The following HELZ variants were observed in gnomAD, a reference collection of about 807,000 sequenced individuals.
HELZ encodes helicase with zinc finger.
Under a neutral mutation model 218.2 loss-of-function variants are expected in HELZ, and 23 were observed. That is an observed-to-expected ratio of 0.11 (90% CI 0.08 to 0.15). HELZ has a LOEUF of 0.15. Among genes scored for constraint, HELZ ranks in the 10% least tolerant of loss-of-function variants. HELZ has a pLI of 1.00. For synonymous variants in HELZ, 814 were observed against 829.4 expected, an observed-to-expected ratio of 0.98 and a Z score of 0.32; for missense variants, 1,813 against 2,353.7, an observed-to-expected ratio of 0.77 and a Z score of 4.75.
chr17:67,178,380 G>A (rs1025745546), intron 13 of HELZ, among the ~76,000 whole-genome samples: 20 of 152,078 alleles, frequency 1.3e-4, no homozygotes, highest in African/African-American at 3.6e-4. Context: ...CAGGAACCAC[G>A]GATTTATACT....
chr17:67,232,600 A>G (rs941442167), intron 3 of HELZ, among the ~76,000 whole-genome samples: 2 of 152,226 alleles, frequency 1.3e-5, no homozygotes, highest in African/African-American at 4.8e-5. Context: ...TCTAGACCCC[A>G]TGCAGAGACC....
At chr17:67,139,967 C>T (rs1419085545) in intron 21 of HELZ, among the ~76,000 whole-genome samples, 1 of 152,170 alleles carries the variant, frequency 6.6e-6, no homozygotes, top group Non-Finnish European at 1.5e-5. Context: ...GGTGGCAGTG[C>T]AGTCCCTCTT....
intron 21 of HELZ, among the ~76,000 whole-genome samples, chr17:67,141,763 G>T (rs995222012): frequency 3.3e-5 from 5 of 152,112 alleles, no homozygotes; most frequent in African/African-American, 7.2e-5. Context: ...TAAAAGAAAT[G>T]CCTGGGCATG....
intron 6 of HELZ, among the ~76,000 whole-genome samples, chr17:67,202,583 G>C (rs1224993789): frequency 6.6e-6 from 1 of 152,114 alleles, no homozygotes; most frequent in Non-Finnish European, 1.5e-5. Context: ...AGTGGTTATG[G>C]ATATTACTTA....
At chr17:67,124,334 G>C (rs887552125) in intron 24 of HELZ, among the ~76,000 whole-genome samples, 1 of 152,080 alleles carries the variant, frequency 6.6e-6, no homozygotes, top group Non-Finnish European at 1.5e-5. Context: ...TTCCTTTGCA[G>C]AAATAGAATT....
At chr17:67,141,218 T>TA (rs1337457251) in intron 21 of HELZ, among the ~76,000 whole-genome samples, 2 of 152,150 alleles carry the variant, frequency 1.3e-5, no homozygotes, top group South Asian at 2.1e-4. Flanking sequence ...TTAACTGGTT[T>TA]AAAAAGCAAC....
intron 20 of HELZ, 124 bp downstream of exon 20, chr17:67,148,445 C>A: frequency 1.4e-6 from 1 of 715,430 alleles, no homozygotes; most frequent in Non-Finnish European, 2.2e-6. Context: ...ACATAATTTG[C>A]AAGACTAGGG....
rs750797081 is a variant in HELZ, at chr17:67,109,313, A to G, written c.4292T>C (p.Phe1431Ser). 3.7e-6 allele frequency: 6 copies of G among 1,614,170 alleles called. No homozygotes were observed. The South Asian group carries it at 6.6e-5, about 18-fold the overall frequency. Residue 1431 changes from phenylalanine to serine, a missense_variant, in exon 29 of 33, where the codon TTT becomes TCT. By Grantham distance (155) the Phe-to-Ser change is radical. Around this residue, in one of 4 missense-constraint regions of HELZ, gnomAD observed 938 missense variants for 1,027.5 expected, o/e 0.91. Coordinates refer to ENST00000358691, the MANE Select transcript of HELZ (RefSeq NM_014877.4). ...PAYQAGPNNAFFNSAVAHRPQ... is the reference protein window; with the variant it reads ...PAYQAGPNNASFNSAVAHRPQ... ...CCGATGAGCAACTGCACTATTAAAA[A>G]AAGCATTGTTGGGTCCCGCCTGATA...
intron 7 of HELZ, among the ~76,000 whole-genome samples, chr17:67,198,316 G>A (rs998033478): frequency 1.3e-5 from 2 of 152,170 alleles, no homozygotes; most frequent in Admixed American, 6.5e-5. Flanking sequence ...GTGACGACCC[G>A]CACGGGCCTG....
intron 31 of HELZ, among the ~76,000 whole-genome samples, chr17:67,097,490 C>T (rs912509268): frequency 1.3e-5 from 2 of 152,130 alleles, no homozygotes; most frequent in Non-Finnish European, 2.9e-5. Flanking sequence ...TAAAAAATGC[C>T]ATTTGAAGCA....
Position 67,201,146 on chromosome 17 carries a change from G to A in HELZ, c.412C>T (p.Leu138Phe). The change falls in exon 7 of 33, where the codon CTT becomes TTT. Residue 138 changes from leucine to phenylalanine, a missense_variant. Coordinates refer to ENST00000358691, the MANE Select transcript of HELZ (RefSeq NM_014877.4). The part of the protein sequence containing the change: ...VTKDLTRLKT[L>F]LSETETATSN... ...GGCCTTACCTCTGTTTCTGAGAGAA[G>A]TGTTTTTAGTCTTGTCAAATCCTTT... 2 of 1,608,882 alleles carry A rather than the reference G, an allele frequency of 1.2e-6. No homozygotes were observed. Among genetic ancestry groups the A allele is most frequent in the Non-Finnish European group, 1.7e-6 (2 of 1,175,236 alleles).
chr17:67,086,631 A>AATATAAATATAAATATAAATATAT (rs914625902), intron 32 of HELZ, among the ~76,000 whole-genome samples, 198 bp downstream of exon 32: 3 of 93,300 alleles, frequency 3.2e-5, no homozygotes, highest in African/African-American at 1.4e-4. Flanking sequence ...TATAAATATA[A>AATATAAATATAAATATAAATATAT]ATATATATAT....
chr17:67,127,683 C>T (rs574250759), intron 24 of HELZ, among the ~76,000 whole-genome samples: 19 of 152,052 alleles, frequency 1.2e-4, no homozygotes, highest in African/African-American at 3.9e-4. Flanking sequence ...CTTGTCTCTA[C>T]GAAAAATACA....
chr17:67,127,310 C>T (rs1490918158), intron 24 of HELZ, among the ~76,000 whole-genome samples: 1 of 152,182 alleles, frequency 6.6e-6, no homozygotes, highest in Admixed American at 6.5e-5. Flanking sequence ...AGTAACTTAA[C>T]TGATAAATAA....
At chr17:67,183,247 A>C (rs1466965473) in intron 12 of HELZ, among the ~76,000 whole-genome samples, 1 of 152,222 alleles carries the variant, frequency 6.6e-6, no homozygotes, top group Non-Finnish European at 1.5e-5. Flanking sequence ...AAACTGCCAC[A>C]TGGAAGCAAG....
chr17:67,098,255 C>T (rs1311042725), intron 31 of HELZ, among the ~76,000 whole-genome samples: 1 of 152,108 alleles, frequency 6.6e-6, no homozygotes, highest in Non-Finnish European at 1.5e-5. Context: ...TCAGGAGTCT[C>T]CACTCCCTTG....
chr17:67,128,813 A>G lies in HELZ; in HGVS notation c.3225T>C (p.Ser1075=). ...GTTCAAAAGTGATTCCATGTAGGCT[A>G]CTGTTTTCATGACACAGGGCAATAA... ...ERFIALCHEN[S]SLHGITFEQI... The change falls in exon 24 of 33, where the codon AGT becomes AGC. Residue 1075 remains serine (S), a synonymous_variant. Transcript: ENST00000358691. The G allele has an allele frequency of 6.2e-7, 1 of 1,614,176 alleles. No individual in the cohort carries two copies. Among genetic ancestry groups the G allele is most frequent in the Non-Finnish European group, 8.5e-7 (1 of 1,180,000 alleles).
chr17:67,211,886 G>C (rs1314635561), intron 5 of HELZ, among the ~76,000 whole-genome samples: 2 of 151,940 alleles, frequency 1.3e-5, no homozygotes, highest in East Asian at 1.9e-4. Context: ...GGAAGGGAAG[G>C]GGGAAGGTAA....
chr17:67,190,247 C>T lies in HELZ; in HGVS notation c.666G>A (p.Leu222=). The stretch of plus-strand genomic sequence containing the variant: ...GCTGTTTATTCTCATTTTGCTGTTT[C>T]AATTTTATCAGCCGTGAAGCATATC... The part of the protein sequence containing the change: ...QKRYASRLIK[L]KQQNENKQLS... The change falls in exon 10 of 33, where the codon TTG becomes TTA. Residue 222 remains leucine (L), a synonymous_variant. Transcript: ENST00000358691. 1 of 1,613,978 alleles carries T rather than the reference C, an allele frequency of 6.2e-7. No individual in the cohort carries two copies. The highest frequency in any genetic ancestry group is 8.5e-7 in the Non-Finnish European group (1 of 1,179,912).
Sources: allele counts gnomAD v4.1 joint callset (sites outside exome capture counted in the v4.1 genomes callset), GRCh38; gene constraint gnomAD v4.1.1; regional missense constraint gnomAD v4.1.1; transcripts MANE v1.5; gene names NCBI Gene and HGNC (gene_info 2026-07-23, HGNC 2026-07-21).